ARG2: variants seen among roughly 807,000 people sequenced by gnomAD.
The protein encoded by ARG2 is arginase 2.
In ARG2, 21 loss-of-function variants were observed where a neutral mutation model predicts 39.4. The ratio of observed to expected loss-of-function variants is 0.53; its 90% confidence interval spans 0.38 to 0.77. The LOEUF is 0.77. Among genes scored for constraint, ARG2 ranks in the 30% least tolerant of loss-of-function variants. ARG2 has a pLI of 0.00. For synonymous variants in ARG2, 150 were observed against 156.7 expected (o/e 0.96, Z 0.32); for missense variants, 378 against 426.2 (o/e 0.89, Z 1.00).
rs2037119077 is a variant in ARG2 at position 67,647,754 on chromosome 14, TA to T, written c.723-292del. 3 of 277,588 alleles carry T rather than the reference TA, an allele frequency of 1.1e-5. No homozygotes were observed. In the East Asian group the frequency reaches 2.1e-4, roughly 19 times the overall value. 17.2% of individuals were successfully genotyped at this position (277,588 alleles called of 1,614,324 possible). A position where few individuals can be genotyped will look rare whatever the true frequency, so the allele number is the denominator to read the frequency against. On this transcript the variant is annotated intron_variant, in intron 6 of 7. Coordinates refer to ENST00000261783, the MANE Select transcript of ARG2 (RefSeq NM_001172.4). Reference sequence around the variant, plus strand: ...AAGAAATCTCTCTATTGACAGTTATTAGTATAAGAGGTTCTAATACCCAGTG... The same window carrying T: ...AAGAAATCTCTCTATTGACAGTTATTGTATAAGAGGTTCTAATACCCAGTG...
chr14:67,640,413 C>T (rs560478310), intron 2 of ARG2, among the ~76,000 whole-genome samples: 1 of 152,272 alleles, frequency 6.6e-6, no homozygotes, highest in Admixed American at 6.5e-5. Flanking sequence ...TGTCTTGTTT[C>T]CAATATCTCT....
At chr14:67,637,384 C>T (rs1006101604) in intron 2 of ARG2, among the ~76,000 whole-genome samples, 2 of 138,458 alleles carry the variant, frequency 1.4e-5, no homozygotes. Flanking sequence ...GCACTCCAGC[C>T]TGAGCGACAG....
chr14:67,645,499 G>A, intron 3 of ARG2, 144 bp from the exon 4 acceptor site: 1 of 832,226 alleles, frequency 1.2e-6, no homozygotes, highest in Non-Finnish European at 1.8e-6. Flanking sequence ...TACAACTACA[G>A]GTCTTGCCTC....
chr14:67,650,203 C>T (rs904877064), intron 7 of ARG2: 1 of 164,966 alleles, frequency 6.1e-6, no homozygotes, highest in African/African-American at 2.4e-5. Context: ...GCAGTAATAA[C>T]TACATTTCAG....
In ARG2 at chr14:67,642,354, G is replaced by A. The variant is rs2037042521; in HGVS notation, c.353G>A (p.Gly118Glu). 2 of 1,613,642 alleles carry A rather than the reference G, an allele frequency of 1.2e-6. No individual in the cohort carries two copies. Among genetic ancestry groups the A allele is most frequent in the Admixed American group, 1.7e-5 (1 of 59,964 alleles). ...SDGYSCVTLG[G>E]DHSLAIGTIS... The stretch of plus-strand genomic sequence containing the variant: ...GGCTACAGCTGTGTCACACTGGGAG[G>A]AGACCACAGGTAAGCTGGGAGCCAG... The change falls in exon 3 of 8, where the codon GGA becomes GAA. Residue 118 changes from glycine to glutamate, a missense_variant. Gly to Glu is a moderately conservative substitution (Grantham distance 98). Coordinates refer to ENST00000261783, the MANE Select transcript of ARG2 (RefSeq NM_001172.4).
At chr14:67,644,348 A>G (rs1442883059) in intron 3 of ARG2, among the ~76,000 whole-genome samples, 1 of 152,210 alleles carries the variant, frequency 6.6e-6, no homozygotes, top group Non-Finnish European at 1.5e-5. Flanking sequence ...AAGGAAACTG[A>G]AATCTAAAGA....
chr14:67,647,981 G>C, intron 6 of ARG2, 66 bp from the exon 7 acceptor site: 1 of 1,449,032 alleles, frequency 6.9e-7, no homozygotes, highest in Non-Finnish European at 9.4e-7. Flanking sequence ...CCATAAGAAG[G>C]ATGAGTGTCC....
At chr14:67,645,044 A>G (rs1425777039) in intron 3 of ARG2, among the ~76,000 whole-genome samples, 1 of 151,992 alleles carries the variant, frequency 6.6e-6, no homozygotes, top group Admixed American at 6.6e-5. Context: ...TATATAAGGT[A>G]ACATGCAATA....
Position 67,646,746 on chromosome 14 carries a change from G to T in ARG2, c.617+8G>T, listed in dbSNP as rs1366226509. The stretch of plus-strand genomic sequence containing the variant: ...CGTGGACCCTCCTGAACAGTAAGTT[G>T]ATGCATTTGGCTGAAGTTTAGGGCC... On this transcript the variant is annotated splice_region_variant and intron_variant, in intron 5 of 7. Coordinates refer to ENST00000261783, the MANE Select transcript of ARG2 (RefSeq NM_001172.4). 6.2e-7 allele frequency: 1 copy of T among 1,603,926 alleles called. No individual in the cohort carries two copies. The highest frequency in any genetic ancestry group is 8.5e-7 in the Non-Finnish European group (1 of 1,171,128).
At chr14:67,646,615 T>C (rs565662716) in intron 4 of ARG2, 29 bp from the exon 5 acceptor site, 212 of 1,530,628 alleles carry the variant, frequency 1.4e-4, no homozygotes, top group Non-Finnish European at 1.9e-4. Context: ...GAATTCTTGA[T>C]TAATCCTGTC....
chr14:67,642,053 T>G (rs1349709719), intron 2 of ARG2, 133 bp from the exon 3 acceptor site: 1 of 904,072 alleles, frequency 1.1e-6, no homozygotes, highest in Non-Finnish European at 1.7e-6. Context: ...CACAATCATT[T>G]GACATTTTAA....
At chr14:67,637,442 A>G (rs1279235386) in intron 2 of ARG2, among the ~76,000 whole-genome samples, 2 of 149,264 alleles carry the variant, frequency 1.3e-5, no homozygotes, top group Non-Finnish European at 3.0e-5. Flanking sequence ...AAGAACTTTA[A>G]TATTACTCAG....
rs370005314 is a variant in ARG2, at chr14:67,650,847, A to G, written c.992A>G (p.His331Arg). Residue 331 changes from histidine (H) to arginine (R), a missense_variant, in exon 8 of 8, where the codon CAT becomes CGT. By Grantham distance (29) the His-to-Arg change is conservative (BLOSUM62 0). Coordinates refer to ENST00000261783, the MANE Select transcript of ARG2 (RefSeq NM_001172.4). ...TTTGGTCAGACAAGAGAAGGAGGGC[A>G]TATTGTCTATGACCAACTTCCTACT... ...SSFGQTREGG[H>R]IVYDQLPTPS... is the part of the protein sequence containing the mutation. 3 of 1,614,060 alleles carry G rather than the reference A, an allele frequency of 1.9e-6. No homozygotes were observed. Among genetic ancestry groups the G allele is most frequent in the Non-Finnish European group, 2.5e-6 (3 of 1,180,026 alleles).
In ARG2 at chr14:67,629,358, CAAAG is replaced by C. The variant is rs573133414; in HGVS notation, c.184+8396_184+8399del. ...AGCCTCATCTGTTTAAGAAACAAAA[CAAAG>C]AAACCTGACATATGCTGCAATATGG... On this transcript the variant is annotated intron_variant, in intron 2 of 7. Transcript: ENST00000261783. Among the ~76,000 whole-genome samples the C allele has an allele frequency of 1.7e-3, 264 of 152,266 alleles. 14 individuals carry two copies. The South Asian group carries it at 0.054, about 31-fold the overall frequency.
At chr14:67,631,005 A>G (rs918191721) in intron 2 of ARG2, among the ~76,000 whole-genome samples, 1 of 152,126 alleles carries the variant, frequency 6.6e-6, no homozygotes, top group Admixed American at 6.6e-5. Context: ...CCCTCTCCCT[A>G]TGCTCTAGAC....
chr14:67,638,153 T>C (rs1233831827), intron 2 of ARG2, among the ~76,000 whole-genome samples: 1 of 152,296 alleles, frequency 6.6e-6, no homozygotes, highest in South Asian at 2.1e-4. Flanking sequence ...GTTTGAGCCA[T>C]ATTTTGGGCT....
chr14:67,645,182 T>C (rs1485393607), intron 3 of ARG2, among the ~76,000 whole-genome samples: 1 of 152,022 alleles, frequency 6.6e-6, no homozygotes, highest in Admixed American at 6.6e-5. Context: ...GATTTCTTTT[T>C]TTTTTTTCAT....
chr14:67,625,676 A>G (rs1159296982), intron 2 of ARG2, among the ~76,000 whole-genome samples: 1 of 131,664 alleles, frequency 7.6e-6, no homozygotes, highest in Non-Finnish European at 1.6e-5. Context: ...GCAAAACTCC[A>G]TCTCAAAAAA....
In ARG2 at chr14:67,650,923, G is replaced by T; in HGVS notation, c.*3G>T. On this transcript the variant is annotated 3_prime_UTR_variant, in exon 8 of 8. Transcript: ENST00000261783. Reference sequence around the variant, plus strand: ...ATCAAGCACGTGTGAGAATTTAGGAGACACTGTGCACTGACATGTTTCACA... The same window carrying T: ...ATCAAGCACGTGTGAGAATTTAGGATACACTGTGCACTGACATGTTTCACA... 1 of 1,613,498 alleles carries T rather than the reference G, an allele frequency of 6.2e-7. No individual in the cohort carries two copies. Among genetic ancestry groups the T allele is most frequent in the Non-Finnish European group, 8.5e-7 (1 of 1,179,728 alleles).
Sources: gnomAD v4.1 joint callset for allele counts (sites outside exome capture counted in the v4.1 genomes callset) on GRCh38, gnomAD v4.1.1 for gene constraint, MANE v1.5 for transcripts, NCBI Gene and HGNC (gene_info 2026-07-23, HGNC 2026-07-21) for gene names.